LPCAT2: variants seen among roughly 807,000 people sequenced by gnomAD.
LPCAT2 encodes lysophosphatidylcholine acyltransferase 2, also known as 1-AGP acyltransferase 11.
Under a neutral mutation model 64.7 loss-of-function variants are expected in LPCAT2, and 58 were observed. The observed-to-expected ratio is 0.90, with a 90% CI of 0.73 to 1.12. The LOEUF (loss-of-function observed/expected upper bound fraction) is 1.12. Among genes scored for constraint, LPCAT2 ranks in the 50% most tolerant of loss-of-function variants. LPCAT2 has a pLI of 0.00. For missense variants in LPCAT2, 579 were observed against 669.8 expected, an observed-to-expected ratio of 0.86 and a Z score of 1.50; for synonymous variants, 252 against 245.3, an observed-to-expected ratio of 1.03 and a Z score of -0.26.
rs746135031 is a variant in LPCAT2, at chr16:55,545,828, A to G, written c.935+11A>G. 2 of 1,562,652 alleles carry G rather than the reference A, an allele frequency of 1.3e-6. No homozygotes were observed. The highest frequency in any genetic ancestry group is 8.8e-7 in the Non-Finnish European group (1 of 1,139,070). The stretch of plus-strand genomic sequence containing the variant: ...GAATTTAATGGCAGAGTAAGTGTCT[A>G]TATTTGATTATAACTCATAAATAAT... On this transcript the variant is annotated intron_variant, in intron 9 of 13. Coordinates refer to ENST00000262134, the MANE Select transcript of LPCAT2 (RefSeq NM_017839.5).
chr16:55,579,119 T>C lies in LPCAT2; in HGVS notation c.1325T>C (p.Val442Ala). 1 of 1,613,034 alleles carries C rather than the reference T, an allele frequency of 6.2e-7. No homozygotes were observed. Among genetic ancestry groups the C allele is most frequent in the Non-Finnish European group, 8.5e-7 (1 of 1,179,396 alleles). ...TTTTATTTTCTTCAGCTGTTTGACG[T>C]TGATGAGGATGGCTACATAACGGAG... The part of the protein sequence containing the change: ...IIQVAFKLFD[V>A]DEDGYITEEE... The change falls in exon 13 of 14, where the codon GTT (valine) becomes GCT (alanine). Residue 442 changes from valine (V) to alanine (A), a missense_variant. Physicochemically the swap from Val to Ala is moderately conservative, Grantham distance 64. Transcript: ENST00000262134.
chr16:55,555,037 T>TA (rs1248513585), intron 11 of LPCAT2, among the ~76,000 whole-genome samples: 1 of 152,120 alleles, frequency 6.6e-6, no homozygotes, highest in Non-Finnish European at 1.5e-5. Context: ...TAGATCACCA[T>TA]AGCAGATATA....
chr16:55,533,135 T>C (rs181528067), intron 6 of LPCAT2, among the ~76,000 whole-genome samples: 1 of 152,214 alleles, frequency 6.6e-6, no homozygotes, highest in African/African-American at 2.4e-5. Flanking sequence ...TACTCTGTTG[T>C]CACCATGTTG....
intron 5 of LPCAT2, 23 bp from the exon 6 acceptor site, chr16:55,532,801 A>G (rs775739410): frequency 3.2e-6 from 5 of 1,580,968 alleles, no homozygotes; most frequent in Non-Finnish European, 4.3e-6. Flanking sequence ...AAAACACATT[A>G]TAAACTTTCA....
chr16:55,528,446 T>TTC lies in LPCAT2; in HGVS notation c.381_382insTC (p.Val128SerfsTer2). On this transcript the variant is annotated frameshift_variant, in exon 3 of 14. Transcript: ENST00000262134. LOFTEE classifies it high-confidence loss of function. Reference sequence around the variant, plus strand: ...TCTTTTCAATGGGATTTATAGTTGCTGTAAAAGGAAAGATTGCAAGTCCTT... The same window carrying TTC: ...TCTTTTCAATGGGATTTATAGTTGCTTCGTAAAAGGAAAGATTGCAAGTCCTT... 12 of 1,614,064 alleles carry TTC rather than the reference T, an allele frequency of 7.4e-6. No homozygotes were observed. The highest frequency in any genetic ancestry group is 1.0e-5 in the Non-Finnish European group (12 of 1,179,952).
intron 8 of LPCAT2, chr16:55,539,046 C>G (rs1252183918): frequency 6.6e-6 from 1 of 152,096 alleles, no homozygotes; most frequent in Non-Finnish European, 1.5e-5. Context: ...ATCTTCTCTG[C>G]AAGATATTGT....
chr16:55,526,722 C>T (rs2142398436), intron 2 of LPCAT2, among the ~76,000 whole-genome samples: 1 of 152,186 alleles, frequency 6.6e-6, no homozygotes, highest in South Asian at 2.1e-4. Context: ...TTCAGATTAC[C>T]TCTTTGATTT....
At position 55,586,107 on chromosome 16, in the gene LPCAT2, A is replaced by G. The variant is rs2142432169; in HGVS notation, c.*3009A>G. Reference sequence around the variant, plus strand: ...TTGAATGAACTCAATTTTATGTTAAATTGTTATATCAGAGTGACAAATAAG... The same window carrying G: ...TTGAATGAACTCAATTTTATGTTAAGTTGTTATATCAGAGTGACAAATAAG... On this transcript the variant is annotated 3_prime_UTR_variant, in exon 14 of 14. Transcript: ENST00000262134. 6.6e-6 allele frequency: 1 copy of G among 150,900 alleles called. No individual in the cohort carries two copies. Among genetic ancestry groups the G allele is most frequent in the South Asian group, 2.1e-4 (1 of 4,796 alleles). 9.3% of individuals were successfully genotyped at this position (150,900 alleles called of 1,614,324 possible). A position where few individuals can be genotyped will look rare whatever the true frequency, so the allele number is the denominator to read the frequency against.
At chr16:55,564,027 C>T in intron 11 of LPCAT2, among the ~76,000 whole-genome samples, 1 of 151,834 alleles carries the variant, frequency 6.6e-6, no homozygotes, top group East Asian at 1.9e-4. Flanking sequence ...TGAATCAACA[C>T]ACAAAAATCA....
intron 8 of LPCAT2, chr16:55,545,466 C>T (rs1963442399): frequency 3.6e-6 from 1 of 275,334 alleles, no homozygotes; most frequent in Admixed American, 5.2e-5. Context: ...GTTTCACCCT[C>T]ACAATCACCA....
chr16:55,581,968 A>T (rs1292813488), intron 13 of LPCAT2, among the ~76,000 whole-genome samples: 2 of 152,132 alleles, frequency 1.3e-5, no homozygotes, highest in Admixed American at 1.3e-4. Flanking sequence ...ACACTTTCCT[A>T]TCCATTATTG....
chr16:55,553,878 T>C (rs1252042991), intron 11 of LPCAT2, among the ~76,000 whole-genome samples: 19 of 152,234 alleles, frequency 1.2e-4, no homozygotes, highest in Admixed American at 1.2e-3. Context: ...GCAGAATGGA[T>C]GTTGTGTTAG....
At position 55,528,593 on chromosome 16, in the gene LPCAT2, C is replaced by T. The variant is rs534016155; in HGVS notation, c.528C>T (p.Gly176=). 6 of 1,603,498 alleles carry T rather than the reference C, an allele frequency of 3.7e-6. No individual in the cohort carries two copies. In the African/African-American group the frequency reaches 4.0e-5, roughly 11 times the overall value. ...AGAATGCACAAGTCCCTCTGATTGG[C>T]AGTAAGTACTTGTAAGGTAACGTAG... ...RNENAQVPLI[G]RLLRAVQPVL... The change falls in exon 3 of 14, where the codon GGC becomes GGT. Residue 176 remains glycine, a splice_region_variant and synonymous_variant. Transcript: ENST00000262134.
rs35295405 is a variant in LPCAT2, at chr16:55,514,890, TTGTGTGTG to T, written c.171+5572_171+5579del. Among the ~76,000 whole-genome samples, 598 of 141,328 alleles carry T rather than the reference TTGTGTGTG, an allele frequency of 4.2e-3. 2 individuals carry two copies. Among genetic ancestry groups the T allele is most frequent in the Admixed American group, 6.8e-3 (96 of 14,036 alleles). 92.7% of individuals were successfully genotyped at this position (141,328 alleles called of 152,430 possible). On this transcript the variant is annotated intron_variant, in intron 1 of 13. Transcript: ENST00000262134. Reference sequence around the variant, plus strand: ...AGAATATCAATAAAGATGCAATGCATTGTGTGTGTGTGTGTGTGTGTGTGTGTGTGTGT... The same window carrying T: ...AGAATATCAATAAAGATGCAATGCATTGTGTGTGTGTGTGTGTGTGTGTGT...
Position 55,537,605 on chromosome 16 carries a change from C to A in LPCAT2, c.825C>A (p.Cys275Ter). 1 of 1,613,210 alleles carries A rather than the reference C, an allele frequency of 6.2e-7. No individual in the cohort carries two copies. Among genetic ancestry groups the A allele is most frequent in the Non-Finnish European group, 8.5e-7 (1 of 1,179,484 alleles). Reference protein sequence around the residue: ...TFIQLCMLTFCQLFTKVEVEF... With the variant: ...TFIQLCMLTF ...TTCAGCTTTGTATGCTTACTTTCTG[C>A]CAGCTCTTCACAAAGGTAGAAGTTG... is the stretch of plus-strand genomic sequence containing the variant. Residue 275 changes from cysteine to a stop codon, truncating the protein, a stop_gained, in exon 8 of 14, where the codon TGC (cysteine) becomes TGA (stop). Transcript: ENST00000262134. LOFTEE classifies it high-confidence loss of function.
At chr16:55,573,539 A>T (rs1325670001) in intron 11 of LPCAT2, among the ~76,000 whole-genome samples, 1 of 152,182 alleles carries the variant, frequency 6.6e-6, no homozygotes, top group African/African-American at 2.4e-5. Flanking sequence ...GTTGTGTCAA[A>T]TATTATTATT....
At chr16:55,564,638 C>A (rs1963672125) in intron 11 of LPCAT2, among the ~76,000 whole-genome samples, 2 of 151,896 alleles carry the variant, frequency 1.3e-5, no homozygotes. Flanking sequence ...AATTATATAT[C>A]CACATGCAAA....
At chr16:55,579,809 A>G (rs1440689682) in intron 13 of LPCAT2, among the ~76,000 whole-genome samples, 2 of 152,302 alleles carry the variant, frequency 1.3e-5, no homozygotes, top group South Asian at 4.1e-4. Context: ...TCCTTGTCTC[A>G]TGCCATCTTG....
intron 11 of LPCAT2, among the ~76,000 whole-genome samples, chr16:55,554,739 A>G (rs1304274058): frequency 6.6e-6 from 1 of 152,188 alleles, no homozygotes; most frequent in Non-Finnish European, 1.5e-5. Flanking sequence ...TGCCTTCCTC[A>G]CTAAGCTTAA....
Sources: gnomAD v4.1 joint callset for allele counts (sites outside exome capture counted in the v4.1 genomes callset) on GRCh38, gnomAD v4.1.1 for gene constraint, MANE v1.5 for transcripts, NCBI Gene and HGNC (gene_info 2026-07-23, HGNC 2026-07-21) for gene names.